The following CNOT1 variants were observed in gnomAD, a reference collection of about 807,000 sequenced individuals.
The protein encoded by CNOT1 is CCR4-associated factor 1.
A neutral mutation model predicts 273.8 loss-of-function variants in CNOT1; 15 were observed. The ratio of observed to expected loss-of-function variants is 0.05; its 90% confidence interval spans 0.04 to 0.08. The LOEUF is 0.08. Ranked by LOEUF, CNOT1 falls within the 10% of genes least tolerant of loss-of-function variation. CNOT1 has a pLI of 1.00. For missense variants in CNOT1, 1,644 were observed against 2,912.2 expected (o/e 0.56, Z 10.02); for synonymous variants, 1,022 against 1,005.5 (o/e 1.02, Z -0.31).
At chr16:58,619,150 A>G (rs917084391) in intron 1 of CNOT1, among the ~76,000 whole-genome samples, 3 of 151,922 alleles carry the variant, frequency 2.0e-5, no homozygotes, top group Non-Finnish European at 4.4e-5. Context: ...GCAGTGAGCC[A>G]TGATCGTGCC....
chr16:58,532,578 G>A, intron 40 of CNOT1, 183 bp from the exon 41 acceptor site: 8 of 1,011,384 alleles, frequency 7.9e-6, no homozygotes, highest in Non-Finnish European at 1.1e-5. Context: ...TCCGCCTTCA[G>A]TGTTTTGTGT....
At chr16:58,576,152 C>A (rs1267311412) in intron 14 of CNOT1, among the ~76,000 whole-genome samples, 2 of 151,718 alleles carry the variant, frequency 1.3e-5, no homozygotes, top group Non-Finnish European at 2.9e-5. Flanking sequence ...ACTCTGTCAC[C>A]CAGGCTGGAG....
At position 58,558,404 on chromosome 16, in the gene CNOT1, T is replaced by TACC. The variant is rs1285443676; in HGVS notation, c.2332+66_2332+68dup. On this transcript the variant is annotated intron_variant, in intron 18 of 48. Transcript: ENST00000317147. ...CTTATCACAGTGACTCCAAACCCCT[T>TACC]ACCAAACACTAAGGCATAACTAAGG... 9 of 1,595,026 alleles carry TACC rather than the reference T, an allele frequency of 5.6e-6. No individual in the cohort carries two copies. In the Admixed American group the frequency reaches 1.2e-4, roughly 22 times the overall value.
intron 1 of CNOT1, among the ~76,000 whole-genome samples, chr16:58,628,027 C>A (rs991566042): frequency 4.6e-5 from 7 of 152,142 alleles, no homozygotes; most frequent in Admixed American, 4.6e-4. Flanking sequence ...GCGGTTGTGA[C>A]ATGTTGGCCA....
chr16:58,581,285 C>T (rs1284347425), intron 11 of CNOT1, 60 bp downstream of exon 11: 9 of 1,522,988 alleles, frequency 5.9e-6, no homozygotes, highest in Non-Finnish European at 7.9e-6. Context: ...GTAGATGGCA[C>T]TACATAAAGA....
chr16:58,609,156 G>A (rs10220952), intron 1 of CNOT1, among the ~76,000 whole-genome samples: 59,084 of 151,882 alleles, frequency 0.39, 12,875 homozygotes, highest in African/African-American at 0.59. Flanking sequence ...GGTGGATCAC[G>A]AGGTCAGGAG....
Position 58,587,820 on chromosome 16 carries a change from G to C in CNOT1, c.269C>G (p.Thr90Arg), listed in dbSNP as rs778323586. 6.2e-7 allele frequency: 1 copy of C among 1,613,740 alleles called. No homozygotes were observed. Among genetic ancestry groups the C allele is most frequent in the Non-Finnish European group, 8.5e-7 (1 of 1,180,012 alleles). ...LLITKPNFIS[T>R]LSYAIDNPLH... ...TGGATTATCAATGGCATAGGACAGC[G>C]TCGAGATAAAATTTGGCTTTGTAAT... The change falls in exon 4 of 49, where the codon ACG (threonine) becomes AGG (arginine). Residue 90 changes from threonine to arginine, a missense_variant. Thr to Arg is a moderately conservative substitution (Grantham distance 71). Around this residue, in one of 13 missense-constraint regions of CNOT1, gnomAD observed 706 missense variants for 1,021.2 expected, o/e 0.69. Coordinates refer to ENST00000317147, the MANE Select transcript of CNOT1 (RefSeq NM_016284.5).
intron 13 of CNOT1, among the ~76,000 whole-genome samples, chr16:58,577,685 A>G (rs899526248): frequency 1.3e-5 from 2 of 152,120 alleles, no homozygotes; most frequent in Non-Finnish European, 2.9e-5. Flanking sequence ...CAAAAATTCA[A>G]AAAATTAACC....
At chr16:58,583,013 C>T (rs749161136) in intron 9 of CNOT1, 43 bp downstream of exon 9, 4 of 1,612,076 alleles carry the variant, frequency 2.5e-6, no homozygotes, top group Non-Finnish European at 3.4e-6. Context: ...ATAAAGAGGA[C>T]AGGACATTAA....
At chr16:58,596,658 C>T (rs530451917) in intron 2 of CNOT1, among the ~76,000 whole-genome samples, 4 of 151,682 alleles carry the variant, frequency 2.6e-5, no homozygotes, top group East Asian at 1.9e-4. Flanking sequence ...GAGGCCAAGG[C>T]GGGCGGATCA....
rs545400833 is a variant in CNOT1 at position 58,573,353 on chromosome 16, A to G, written c.1979+1256T>C. ...AAAAAGAAAAAAATTAAAGACCTAA[A>G]TAAGTAGAAAAACATCCCAGATTCA... On this transcript the variant is annotated intron_variant, in intron 16 of 48. Transcript: ENST00000317147. Among the ~76,000 whole-genome samples the G allele has an allele frequency of 7.2e-5, 11 of 152,148 alleles. No individual in the cohort carries two copies. The South Asian group carries it at 2.3e-3, about 32-fold the overall frequency.
At chr16:58,594,546 G>C (rs966708376) in intron 2 of CNOT1, among the ~76,000 whole-genome samples, 3 of 152,090 alleles carry the variant, frequency 2.0e-5, no homozygotes, top group Non-Finnish European at 4.4e-5. Context: ...GCTCACGTCT[G>C]TAATCCCAGA....
intron 16 of CNOT1, among the ~76,000 whole-genome samples, chr16:58,573,718 T>C (rs998280525): frequency 3.9e-5 from 6 of 152,034 alleles, no homozygotes; most frequent in Non-Finnish European, 7.4e-5. Flanking sequence ...CCTGAACTCA[T>C]GATTCGCCCG....
intron 18 of CNOT1, 56 bp downstream of exon 18, chr16:58,558,417 G>A: frequency 2.5e-6 from 4 of 1,604,842 alleles, no homozygotes; most frequent in Non-Finnish European, 3.4e-6. Flanking sequence ...CAAACACTAA[G>A]GCATAACTAA....
chr16:58,582,657 G>C (rs1036316670), intron 10 of CNOT1, 136 bp downstream of exon 10: 1 of 609,524 alleles, frequency 1.6e-6, no homozygotes, highest in African/African-American at 1.8e-5. Context: ...GTTACGTACT[G>C]CCTGCAGTAC....
intron 2 of CNOT1, among the ~76,000 whole-genome samples, chr16:58,589,217 A>G (rs1597529935): frequency 1.3e-5 from 2 of 152,284 alleles, no homozygotes; most frequent in Admixed American, 1.3e-4. Context: ...TCAATATTAT[A>G]AAAATGTTTC....
chr16:58,568,529 C>CA (rs1275693457), intron 16 of CNOT1, among the ~76,000 whole-genome samples: 1 of 151,516 alleles, frequency 6.6e-6, no homozygotes, highest in Non-Finnish European at 1.5e-5. Context: ...ACTAAAAATA[C>CA]AAAAATTAGC....
chr16:58,609,798 C>T (rs1205558887), intron 1 of CNOT1, among the ~76,000 whole-genome samples: 1 of 151,732 alleles, frequency 6.6e-6, no homozygotes, highest in African/African-American at 2.4e-5. Flanking sequence ...ATTCTCATTC[C>T]TTCTTTTATC....
chr16:58,522,301 A>G (rs2039422893), intron 47 of CNOT1, among the ~76,000 whole-genome samples: 1 of 151,194 alleles, frequency 6.6e-6, no homozygotes, highest in Non-Finnish European at 1.5e-5. Context: ...AAATTGGTAA[A>G]ATTTTTCCGA....
Sources: allele counts gnomAD v4.1 joint callset (sites outside exome capture counted in the v4.1 genomes callset), GRCh38; gene constraint gnomAD v4.1.1; regional missense constraint gnomAD v4.1.1; transcripts MANE v1.5; gene names NCBI Gene and HGNC (gene_info 2026-07-23, HGNC 2026-07-21).